The following KPNA1 variants were observed in gnomAD, a reference collection of about 807,000 sequenced individuals.
KPNA1 encodes the protein karyopherin subunit alpha 1.
A neutral mutation model predicts 70.5 loss-of-function variants in KPNA1; 10 were observed. The ratio of observed to expected loss-of-function variants is 0.14; its 90% confidence interval spans 0.09 to 0.24. KPNA1 has a LOEUF of 0.24. Ranked by LOEUF, KPNA1 falls within the 10% of genes least tolerant of loss-of-function variation. The pLI, the probability that KPNA1 is intolerant of heterozygous loss-of-function variation, is 1.00. For missense variants in KPNA1, 397 were observed against 637.9 expected (o/e 0.62, Z 4.07); for synonymous variants, 192 against 221.9 (o/e 0.87, Z 1.20).
chr3:122,426,217 C>CCAAAGAGAAG lies in KPNA1; in HGVS notation c.*758_*767dup, dbSNP rs1252915313. On this transcript the variant is annotated 3_prime_UTR_variant, in exon 14 of 14. Coordinates refer to ENST00000344337, the MANE Select transcript of KPNA1 (RefSeq NM_002264.4). Reference sequence around the variant, plus strand: ...CTTCCAAATTCTAAGACACAAAAGACCAAAGAGAAGCAAAAGCGATACAAA... The same window carrying CCAAAGAGAAG: ...CTTCCAAATTCTAAGACACAAAAGACCAAAGAGAAGCAAAGAGAAGCAAAAGCGATACAAA... 6.6e-6 allele frequency: 1 copy of CCAAAGAGAAG among 152,490 alleles called. No individual in the cohort carries two copies. Among genetic ancestry groups the CCAAAGAGAAG allele is most frequent in the African/African-American group, 2.4e-5 (1 of 41,410 alleles). The allele number at this position is 152,490 out of a possible 1,614,324, so 9.4% of individuals were successfully genotyped here.
chr3:122,514,113 T>C (rs2076987356), intron 1 of KPNA1, among the ~76,000 whole-genome samples: 1 of 152,118 alleles, frequency 6.6e-6, no homozygotes, highest in Non-Finnish European at 1.5e-5. Flanking sequence ...ACACGCGGCG[T>C]GCAGACCAAG....
intron 7 of KPNA1, among the ~76,000 whole-genome samples, 163 bp downstream of exon 7, chr3:122,451,813 A>G (rs2076205511): frequency 6.6e-6 from 1 of 152,352 alleles, no homozygotes; most frequent in Non-Finnish European, 1.5e-5. Flanking sequence ...GCATGGAAAA[A>G]GATAGGGTGC....
In KPNA1 at chr3:122,430,559, CTGTG is replaced by C. The variant is rs113921259; in HGVS notation, c.1251-2847_1251-2844del. Among the ~76,000 whole-genome samples, 637 of 145,112 alleles carry C rather than the reference CTGTG, an allele frequency of 4.4e-3. 20 individuals are homozygous for C. In the South Asian group the frequency reaches 0.068, roughly 16 times the overall value. On this transcript the variant is annotated intron_variant, in intron 12 of 13. Transcript: ENST00000344337. The stretch of plus-strand genomic sequence containing the variant: ...GTGTGTGTGTGGTTTCTCAAATAAA[CTGTG>C]TGTGTGTGTGTGTGTGTGGTTTCTC...
intron 2 of KPNA1, among the ~76,000 whole-genome samples, chr3:122,491,914 T>C (rs1397940547): frequency 1.6e-5 from 2 of 126,574 alleles, no homozygotes; most frequent in Admixed American, 2.1e-4. Flanking sequence ...CAGGCTGGAG[T>C]GCAGTGGCGC....
chr3:122,495,607 C>T (rs1188404440), intron 2 of KPNA1, among the ~76,000 whole-genome samples: 2 of 150,002 alleles, frequency 1.3e-5, no homozygotes, highest in East Asian at 2.0e-4. Context: ...ACTATAACTG[C>T]AAAATATTTA....
At chr3:122,435,806 G>A (rs547282064) in intron 11 of KPNA1, among the ~76,000 whole-genome samples, 11 of 151,942 alleles carry the variant, frequency 7.2e-5, no homozygotes, top group South Asian at 2.1e-4. Context: ...TCTTAATCCC[G>A]TCATCTTCAT....
rs528922347 is a variant in KPNA1 at position 122,492,710 on chromosome 3, C to T, written c.129+3727G>A. On this transcript the variant is annotated intron_variant, in intron 2 of 13. Transcript: ENST00000344337. ...CATTTTCAAACGTTTCATGGGGGAA[C>T]AGAAGCAGCAGGAGACTCAACTCAG... is the stretch of plus-strand genomic sequence containing the variant. Among the ~76,000 whole-genome samples the T allele has an allele frequency of 3.3e-3, 497 of 152,284 alleles. 3 individuals carry two copies. Among genetic ancestry groups the T allele is most frequent in the African/African-American group, 0.011 (444 of 41,548 alleles).
intron 1 of KPNA1, among the ~76,000 whole-genome samples, chr3:122,509,115 G>A (rs1033563169): frequency 2.3e-4 from 35 of 151,870 alleles, no homozygotes; most frequent in Non-Finnish European, 3.8e-4. Flanking sequence ...GCGTAGTGGC[G>A]GGCCCCTGTA....
At chr3:122,471,711 A>C (rs184025168) in intron 2 of KPNA1, among the ~76,000 whole-genome samples, 2 of 152,260 alleles carry the variant, frequency 1.3e-5, no homozygotes, top group African/African-American at 2.4e-5. Context: ...GCATGGTGGT[A>C]CATGTCTTGG....
chr3:122,509,914 C>T (rs1163873410), intron 1 of KPNA1, among the ~76,000 whole-genome samples: 2 of 152,172 alleles, frequency 1.3e-5, no homozygotes, highest in South Asian at 4.1e-4. Flanking sequence ...AAAAAATACC[C>T]ATACCTAGAC....
intron 2 of KPNA1, among the ~76,000 whole-genome samples, chr3:122,468,874 G>A (rs1037388295): frequency 6.6e-6 from 1 of 152,160 alleles, no homozygotes; most frequent in African/African-American, 2.4e-5. Context: ...TGAGCTTAAG[G>A]AAATCTCATT....
At position 122,423,297 on chromosome 3, in the gene KPNA1, T is replaced by A. The variant is rs1302753660; in HGVS notation, c.*3688A>T. 1 of 152,194 alleles carries A rather than the reference T, an allele frequency of 6.6e-6. No homozygotes were observed. The highest frequency in any genetic ancestry group is 2.4e-5 in the African/African-American group (1 of 41,444). 9.4% of individuals were successfully genotyped at this position (152,194 alleles called of 1,614,324 possible). A position where few individuals can be genotyped will look rare whatever the true frequency, so the allele number is the denominator to read the frequency against. On this transcript the variant is annotated 3_prime_UTR_variant, in exon 14 of 14. Transcript: ENST00000344337. ...CTCACAACAGAGAGAAATGGTCATA[T>A]TGAGATGGATAAAAATTCAGATTTG... is the stretch of plus-strand genomic sequence containing the variant.
intron 2 of KPNA1, chr3:122,483,009 A>G (rs553636197): frequency 2.6e-5 from 4 of 152,824 alleles, no homozygotes; most frequent in African/African-American, 9.6e-5. Flanking sequence ...AGCTCAGCTG[A>G]AGGGATAGTG....
At chr3:122,499,523 C>T (rs2076801244) in intron 1 of KPNA1, among the ~76,000 whole-genome samples, 1 of 151,230 alleles carries the variant, frequency 6.6e-6, no homozygotes, top group Non-Finnish European at 1.5e-5. Flanking sequence ...GAGGTTAAGG[C>T]GGGAGTATCA....
rs146282045 is a variant in KPNA1 at position 122,505,529 on chromosome 3, A to G, written c.-5-8959T>C. Reference sequence around the variant, plus strand: ...AAATATTTTTAGGTGTTATCACCTAAGCTACTAATTAAAAATTGTAAGTTA... The same window carrying G: ...AAATATTTTTAGGTGTTATCACCTAGGCTACTAATTAAAAATTGTAAGTTA... On this transcript the variant is annotated intron_variant, in intron 1 of 13. Coordinates refer to ENST00000344337, the MANE Select transcript of KPNA1 (RefSeq NM_002264.4). 1.8e-4 allele frequency among the ~76,000 whole-genome samples: 28 copies of G among 152,324 alleles called. No individual in the cohort carries two copies. In the East Asian group the frequency reaches 4.2e-3, roughly 23 times the overall value.
intron 1 of KPNA1, among the ~76,000 whole-genome samples, chr3:122,514,313 T>C (rs1055492534): frequency 6.6e-6 from 1 of 152,008 alleles, no homozygotes; most frequent in Non-Finnish European, 1.5e-5. Context: ...TTAGAATTTT[T>C]ACACGCCACC....
At chr3:122,455,406 T>C (rs1412313444) in intron 5 of KPNA1, among the ~76,000 whole-genome samples, 1 of 152,196 alleles carries the variant, frequency 6.6e-6, no homozygotes, top group Non-Finnish European at 1.5e-5. Flanking sequence ...TAACAAAAAT[T>C]CTGGGGACTT....
chr3:122,490,733 T>C (rs2076688903), intron 2 of KPNA1, among the ~76,000 whole-genome samples: 1 of 152,218 alleles, frequency 6.6e-6, no homozygotes, highest in Admixed American at 6.5e-5. Flanking sequence ...AAAAAGGTAA[T>C]TTGCTATTTC....
Position 122,433,793 on chromosome 3 carries a change from A to C in KPNA1, c.1123-5T>G. 1 of 1,575,570 alleles carries C rather than the reference A, an allele frequency of 6.3e-7. No individual in the cohort carries two copies. The highest frequency in any genetic ancestry group is 8.6e-7 in the Non-Finnish European group (1 of 1,166,446). Reference sequence around the variant, plus strand: ...AATGTTGGCATCTATCACAGTCTAAAATTAAAGAAAAACTTAAATGGAAAA... The same window carrying C: ...AATGTTGGCATCTATCACAGTCTAACATTAAAGAAAAACTTAAATGGAAAA... On this transcript the variant is annotated splice_region_variant and splice_polypyrimidine_tract_variant and intron_variant, in intron 11 of 13. Coordinates refer to ENST00000344337, the MANE Select transcript of KPNA1 (RefSeq NM_002264.4).
Sources: allele counts gnomAD v4.1 joint callset (sites outside exome capture counted in the v4.1 genomes callset), GRCh38; gene constraint gnomAD v4.1.1; transcripts MANE v1.5; gene names NCBI Gene and HGNC (gene_info 2026-07-23, HGNC 2026-07-21).